Variants in NF1 observed in about 807,000 individuals in gnomAD.
The protein encoded by NF1 is neurofibromin 1, also known as neurofibromin.
Under a neutral mutation model 325.7 loss-of-function variants are expected in NF1, and 122 were observed. The observed-to-expected ratio is 0.37, with a 90% CI of 0.32 to 0.44. The LOEUF is 0.44. NF1 is among the 20% of genes least tolerant of loss of function. The pLI is 1.00. For missense variants in NF1, 2,140 were observed against 3,415.4 expected (o/e 0.63, Z 9.31); for synonymous variants, 1,091 against 1,186.0 (o/e 0.92, Z 1.65).
chr17:31,287,890 A>T (rs1419985824), intron 36 of NF1, among the ~76,000 whole-genome samples: 1 of 132,346 alleles, frequency 7.6e-6, no homozygotes. Context: ...ATGAGAACAC[A>T]TGGACACAGG....
intron 36 of NF1, among the ~76,000 whole-genome samples, chr17:31,324,004 G>T (rs1206390925): frequency 6.6e-6 from 1 of 152,098 alleles, no homozygotes; most frequent in Non-Finnish European, 1.5e-5. Flanking sequence ...AAATTCTGAG[G>T]TGAAGTTTTT....
chr17:31,112,694 G>A (rs1913522937), intron 1 of NF1, among the ~76,000 whole-genome samples: 1 of 152,166 alleles, frequency 6.6e-6, no homozygotes, highest in South Asian at 2.1e-4. Flanking sequence ...TAAATGATTT[G>A]CAAGTCTTCT....
chr17:31,318,462 C>T (rs769431412), intron 36 of NF1: 1 of 1,614,006 alleles, frequency 6.2e-7, no homozygotes, highest in Non-Finnish European at 8.5e-7. Flanking sequence ...GACCGCTTGC[C>T]AGAAAATCGC....
rs876660506 is a variant in NF1, at chr17:31,248,987, A to T, written c.3978A>T (p.Leu1326Phe). The stretch of plus-strand genomic sequence containing the variant: ...TTTTATTTTTATTTTTTTGTAGGTT[A>T]GAACCATCAGAGAGCCTTGAGGAAA... ...HVSFEVDPTR[L>F]EPSESLEENQ... The change falls in exon 30 of 58, where the codon TTA (leucine) becomes TTT (phenylalanine). Residue 1326 changes from leucine (L) to phenylalanine (F), a missense_variant. Leu to Phe is a conservative substitution (Grantham distance 22). Coordinates refer to ENST00000358273, the MANE Select transcript of NF1 (RefSeq NM_001042492.3). The T allele has an allele frequency of 6.2e-7, 1 of 1,614,030 alleles. No individual in the cohort carries two copies. Among genetic ancestry groups the T allele is most frequent in the African/African-American group, 1.3e-5 (1 of 75,054 alleles).
chr17:31,106,518 A>G (rs1912879566), intron 1 of NF1, among the ~76,000 whole-genome samples: 1 of 152,216 alleles, frequency 6.6e-6, no homozygotes, highest in African/African-American at 2.4e-5. Flanking sequence ...TATCTTTCCA[A>G]TAAATAGTTT....
At chr17:31,098,422 T>A (rs1217346785) in intron 1 of NF1, among the ~76,000 whole-genome samples, 1 of 152,036 alleles carries the variant, frequency 6.6e-6, no homozygotes, top group Non-Finnish European at 1.5e-5. Context: ...TGGAGTGCAA[T>A]GATGCGACCT....
At chr17:31,162,564 G>A (rs901482357) in intron 3 of NF1, among the ~76,000 whole-genome samples, 1 of 152,152 alleles carries the variant, frequency 6.6e-6, no homozygotes. Flanking sequence ...TTCAGACTTG[G>A]TATTAGATGA....
At chr17:31,163,501 T>C in intron 4 of NF1, 125 bp downstream of exon 4, 1 of 1,024,018 alleles carries the variant, frequency 9.8e-7, no homozygotes, top group South Asian at 1.4e-5. Flanking sequence ...CAAGTTCTTT[T>C]GCCCCTCACA....
intron 1 of NF1, among the ~76,000 whole-genome samples, chr17:31,143,877 A>G (rs1916403275): frequency 6.6e-6 from 1 of 151,442 alleles, no homozygotes; most frequent in Non-Finnish European, 1.5e-5. Context: ...GCTGGAGTGC[A>G]GTGGCGCAGT....
At chr17:31,099,210 C>T (rs1380860786) in intron 1 of NF1, among the ~76,000 whole-genome samples, 1 of 152,148 alleles carries the variant, frequency 6.6e-6, no homozygotes, top group African/African-American at 2.4e-5. Flanking sequence ...CTGCTGATTA[C>T]AGACATATTG....
At chr17:31,294,396 T>C (rs2068416351) in intron 36 of NF1, among the ~76,000 whole-genome samples, 2 of 152,226 alleles carry the variant, frequency 1.3e-5, no homozygotes. Context: ...ATATAATCTG[T>C]CAAGTAGCCA....
At position 31,232,772 on chromosome 17, in the gene NF1, C is replaced by T. The variant is rs1369392487; in HGVS notation, c.3387C>T (p.Gly1129=). The T allele has an allele frequency of 6.2e-7, 1 of 1,613,592 alleles. No individual in the cohort carries two copies. The highest frequency in any genetic ancestry group is 8.5e-7 in the Non-Finnish European group (1 of 1,179,880). ...EVEDESAQTG[G]RKRGMSRRLA... is the part of the protein sequence containing the mutation. ...AAGATGAAAGTGCGCAAACAGGTGG[C>T]AGGAAACGTGGCATGTCTCGGAGGC... The change falls in exon 26 of 58, where the codon GGC becomes GGT. Residue 1129 remains glycine (G), a synonymous_variant. Transcript: ENST00000358273.
At chr17:31,370,138 G>A (rs1485739146) in intron 57 of NF1, among the ~76,000 whole-genome samples, 1 of 151,898 alleles carries the variant, frequency 6.6e-6, no homozygotes, top group African/African-American at 2.4e-5. Flanking sequence ...TATACAGTTG[G>A]GTCACTAAGT....
At chr17:31,154,277 GA>G (rs1453001910) in intron 1 of NF1, among the ~76,000 whole-genome samples, 1 of 151,884 alleles carries the variant, frequency 6.6e-6, no homozygotes, top group African/African-American at 2.4e-5. Context: ...GGCTGGTCTT[GA>G]ACTTTTGACC....
chr17:31,360,211 C>T, intron 56 of NF1: 2 of 452,566 alleles, frequency 4.4e-6, no homozygotes, highest in Non-Finnish European at 8.1e-6. Flanking sequence ...AGACATCATT[C>T]CTGGTGATTG....
chr17:31,246,606 A>G (rs185631582), intron 29 of NF1, among the ~76,000 whole-genome samples: 1 of 152,330 alleles, frequency 6.6e-6, no homozygotes, highest in East Asian at 1.9e-4. Context: ...GATAAAACAC[A>G]CAACAGATAA....
chr17:31,274,058 A>G (rs1430690267), intron 36 of NF1, among the ~76,000 whole-genome samples: 1 of 152,200 alleles, frequency 6.6e-6, no homozygotes, highest in Non-Finnish European at 1.5e-5. Flanking sequence ...TAATTCAGTA[A>G]TACAACATTT....
At chr17:31,120,006 A>G (rs1914291084) in intron 1 of NF1, among the ~76,000 whole-genome samples, 1 of 152,060 alleles carries the variant, frequency 6.6e-6, no homozygotes, top group South Asian at 2.1e-4. Context: ...TATTTTGTTT[A>G]CTGTAGCCTT....
At chr17:31,209,031 G>A (rs1284079802) in intron 12 of NF1, among the ~76,000 whole-genome samples, 1 of 152,142 alleles carries the variant, frequency 6.6e-6, no homozygotes, top group African/African-American at 2.4e-5. Context: ...TTTTGGACTG[G>A]ATAACTCTGT....
Sources: allele counts gnomAD v4.1 joint callset (sites outside exome capture counted in the v4.1 genomes callset), GRCh38; gene constraint gnomAD v4.1.1; transcripts MANE v1.5; gene names NCBI Gene and HGNC (gene_info 2026-07-23, HGNC 2026-07-21).